Variants in ADK observed in about 807,000 individuals in gnomAD.
ADK encodes N6,N6-dimethyladenosine kinase.
Under a neutral mutation model 44.7 loss-of-function variants are expected in ADK, and 24 were observed. The ratio of observed to expected loss-of-function variants is 0.54; its 90% CI spans 0.39 to 0.76. The LOEUF (loss-of-function observed/expected upper bound fraction) is 0.76, where lower values mean the gene tolerates loss of function less well. Ranked by LOEUF, ADK falls within the 30% of genes least tolerant of loss-of-function variation. The pLI is 0.00. For synonymous variants in ADK, 128 were observed against 142.6 expected (o/e 0.90, Z 0.73); for missense variants, 321 against 425.1 (o/e 0.76, Z 2.15).
intron 1 of ADK, among the ~76,000 whole-genome samples, chr10:74,157,636 T>G (rs965807573): frequency 3.3e-5 from 5 of 151,346 alleles, no homozygotes; most frequent in Non-Finnish European, 7.4e-5. Context: ...TCCAGTACTT[T>G]GGGAGGCCAA....
chr10:74,561,976 G>C (rs1357934138), intron 7 of ADK, among the ~76,000 whole-genome samples: 1 of 152,200 alleles, frequency 6.6e-6, no homozygotes, highest in Non-Finnish European at 1.5e-5. Context: ...TTGTGAGATT[G>C]TATTCTTAAC....
intron 4 of ADK, among the ~76,000 whole-genome samples, chr10:74,330,145 G>A (rs1841168786): frequency 6.6e-6 from 1 of 152,144 alleles, no homozygotes; most frequent in African/African-American, 2.4e-5. Flanking sequence ...TCCAGCCTAG[G>A]CAACAGAGCT....
rs530290130 is a variant in ADK at position 74,325,637 on chromosome 10, G to A, written c.273+10892G>A. Among the ~76,000 whole-genome samples the A allele has an allele frequency of 5.3e-5, 8 of 152,082 alleles. No homozygotes were observed. The East Asian group carries it at 1.5e-3, about 29-fold the overall frequency. ...GGATTTTTCATATATGGCCTTTATT[G>A]TGCTGAGCTGCATTCCTTCTATACC... On this transcript the variant is annotated intron_variant, in intron 4 of 10. Coordinates refer to ENST00000539909, the MANE Select transcript of ADK (RefSeq NM_006721.4).
intron 7 of ADK, among the ~76,000 whole-genome samples, chr10:74,578,691 GA>G (rs1292796216): frequency 6.6e-6 from 1 of 150,978 alleles, no homozygotes; most frequent in South Asian, 2.1e-4. Context: ...GAGGACCAGG[GA>G]AAAAAAAGTG....
chr10:74,388,866 A>T (rs188968840), intron 4 of ADK, among the ~76,000 whole-genome samples: 1 of 152,312 alleles, frequency 6.6e-6, no homozygotes, highest in African/African-American at 2.4e-5. Flanking sequence ...AATCTTTTTC[A>T]CAATTTCTAG....
chr10:74,463,296 A>G (rs769349222), intron 6 of ADK, among the ~76,000 whole-genome samples: 5 of 152,164 alleles, frequency 3.3e-5, no homozygotes, highest in African/African-American at 4.8e-5. Flanking sequence ...ATAATATATA[A>G]TGAAATAATT....
At position 74,389,513 on chromosome 10, in the gene ADK, C is replaced by A. The variant is rs114125720; in HGVS notation, c.274-4628C>A. 4.9e-3 allele frequency among the ~76,000 whole-genome samples: 746 copies of A among 151,634 alleles called. 5 individuals carry two copies. Among genetic ancestry groups the A allele is most frequent in the African/African-American group, 0.017 (702 of 41,358 alleles). ...TAAACTGATTTTTAAAAATCTATTT[C>A]ATTCTCAATTATAACATCTTTACTG... On this transcript the variant is annotated intron_variant, in intron 4 of 10. Coordinates refer to ENST00000539909, the MANE Select transcript of ADK (RefSeq NM_006721.4).
intron 4 of ADK, among the ~76,000 whole-genome samples, chr10:74,385,597 ATGAAT>A (rs1489912794): frequency 2.0e-5 from 3 of 152,200 alleles, no homozygotes; most frequent in African/African-American, 7.2e-5. Context: ...TATTGGTGGA[ATGAAT>A]TGAATGAATA....
intron 6 of ADK, among the ~76,000 whole-genome samples, chr10:74,522,638 A>AT (rs1054627866): frequency 9.2e-5 from 14 of 151,628 alleles, no homozygotes; most frequent in South Asian, 2.1e-4. Flanking sequence ...ATTTTAAAAG[A>AT]TTTTTTTTTC....
intron 3 of ADK, among the ~76,000 whole-genome samples, chr10:74,260,479 C>T (rs898541141): frequency 6.6e-6 from 1 of 152,058 alleles, no homozygotes; most frequent in African/African-American, 2.4e-5. Flanking sequence ...CTGTGTTGTC[C>T]CTTGAATGCC....
Position 74,271,682 on chromosome 10 carries a change from G to T in ADK, c.195-42985G>T, listed in dbSNP as rs149472559. ...GCGGTGTTTGGTTTTTTGTCCTTGT[G>T]ATAGTTTACTGAGAATGATGATTTC... On this transcript the variant is annotated intron_variant, in intron 3 of 10. Coordinates refer to ENST00000539909, the MANE Select transcript of ADK (RefSeq NM_006721.4). Among the ~76,000 whole-genome samples, 1,217 of 148,076 alleles carry T rather than the reference G, an allele frequency of 8.2e-3. 20 individuals carry two copies. The highest frequency in any genetic ancestry group is 0.029 in the African/African-American group (1,155 of 39,940).
chr10:74,656,935 C>G (rs1346335033), intron 9 of ADK, among the ~76,000 whole-genome samples: 1 of 152,136 alleles, frequency 6.6e-6, no homozygotes, highest in Non-Finnish European at 1.5e-5. Context: ...TCACAGCTCA[C>G]TGCATCCTCG....
intron 4 of ADK, among the ~76,000 whole-genome samples, chr10:74,380,428 C>T (rs945166148): frequency 1.3e-5 from 2 of 151,988 alleles, no homozygotes; most frequent in African/African-American, 2.4e-5. Flanking sequence ...TTGCATGTTC[C>T]TTATTGTAAG....
chr10:74,288,586 A>T (rs1381487045), intron 3 of ADK, among the ~76,000 whole-genome samples: 1 of 151,802 alleles, frequency 6.6e-6, no homozygotes, highest in Non-Finnish European at 1.5e-5. Flanking sequence ...GGAGGTGGAG[A>T]TTGTAGTGAG....
At chr10:74,303,134 C>G (rs948691142) in intron 3 of ADK, among the ~76,000 whole-genome samples, 2 of 152,096 alleles carry the variant, frequency 1.3e-5, no homozygotes, top group African/African-American at 2.4e-5. Context: ...ATAACCTGTT[C>G]AGAAGATATG....
chr10:74,431,315 A>G, intron 6 of ADK, among the ~76,000 whole-genome samples: 1 of 152,176 alleles, frequency 6.6e-6, no homozygotes, highest in South Asian at 2.1e-4. Context: ...TATAGTAGGA[A>G]ATGTAGTTAT....
rs138988127 is a variant in ADK, at chr10:74,377,212, A to C, written c.274-16929A>C. Among the ~76,000 whole-genome samples the C allele has an allele frequency of 4.7e-3, 719 of 152,334 alleles. 2 individuals carry two copies. The highest frequency in any genetic ancestry group is 0.02 in the Middle Eastern group (6 of 294). On this transcript the variant is annotated intron_variant, in intron 4 of 10. Coordinates refer to ENST00000539909, the MANE Select transcript of ADK (RefSeq NM_006721.4). The stretch of plus-strand genomic sequence containing the variant: ...TGACCAAACTCTCATTACTGTGTCA[A>C]CTTAAAAATCATGAGATCTGTAAAT...
chr10:74,670,330 C>A, intron 10 of ADK, 61 bp downstream of exon 10: 1 of 1,274,604 alleles, frequency 7.8e-7, no homozygotes, highest in South Asian at 1.2e-5. Context: ...TTGTTTCTAC[C>A]ATATAACCAA....
chr10:74,421,528 C>G (rs189589570), intron 6 of ADK, among the ~76,000 whole-genome samples: 1 of 152,302 alleles, frequency 6.6e-6, no homozygotes, highest in Admixed American at 6.5e-5. Flanking sequence ...GATTAGTATA[C>G]ATGCATATGT....
Sources: gnomAD v4.1 joint callset for allele counts (sites outside exome capture counted in the v4.1 genomes callset) on GRCh38, gnomAD v4.1.1 for gene constraint, MANE v1.5 for transcripts, NCBI Gene and HGNC (gene_info 2026-07-23, HGNC 2026-07-21) for gene names.